Variants in AXDND1 observed in about 807,000 individuals in gnomAD.
AXDND1 encodes axonemal dynein light chain domain-containing protein 1.
In AXDND1, 110 loss-of-function variants were observed where a neutral mutation model predicts 137.5. The ratio of observed to expected loss-of-function variants is 0.80; its 90% CI spans 0.69 to 0.94. The LOEUF (loss-of-function observed/expected upper bound fraction) is 0.94. AXDND1 is among the 40% of genes least tolerant of loss of function. The pLI, the probability that AXDND1 is intolerant of heterozygous loss-of-function variation, is 0.00. For synonymous variants in AXDND1, 414 were observed against 399.7 expected (o/e 1.04, Z -0.43); for missense variants, 1,191 against 1,169.8 (o/e 1.02, Z -0.26).
rs201762163 is a variant in AXDND1, at chr1:179,394,041, C to G, written c.1002C>G (p.Thr334=). The G allele has an allele frequency of 6.1e-5, 97 of 1,593,572 alleles. 1 individual carries two copies. In the South Asian group the frequency reaches 9.9e-4, roughly 16 times the overall value. ...TCAAGCATGTTATTGAAGAACTGAC[C>G]AGGTAAAAACTGTGATTATCTTAAA... ...YNFKHVIEEL[T]RELCLVRAHD... is the part of the protein sequence containing the mutation. The change falls in exon 10 of 26, where the codon ACC becomes ACG. Residue 334 remains threonine (T), a splice_region_variant and synonymous_variant. Coordinates refer to ENST00000367618, the MANE Select transcript of AXDND1 (RefSeq NM_144696.6).
At chr1:179,510,828 AT>A (rs1668971033) in intron 21 of AXDND1, among the ~76,000 whole-genome samples, 1 of 151,946 alleles carries the variant, frequency 6.6e-6, no homozygotes, top group Admixed American at 6.6e-5. Context: ...GATTTCTGAG[AT>A]TTTGGTGCAC....
chr1:179,500,377 G>A (rs963896528), intron 20 of AXDND1, among the ~76,000 whole-genome samples: 7 of 149,990 alleles, frequency 4.7e-5, no homozygotes, highest in Non-Finnish European at 8.9e-5. Context: ...GTGTGTGTGT[G>A]TGTGTATTGC....
chr1:179,450,523 C>A (rs1185998533), intron 16 of AXDND1: 1 of 149,446 alleles, frequency 6.7e-6, no homozygotes, highest in Non-Finnish European at 1.5e-5. Context: ...CTATTGAATT[C>A]TTTTACATGA....
intron 16 of AXDND1, among the ~76,000 whole-genome samples, chr1:179,468,128 C>CT (rs140120532): frequency 0.063 from 9,570 of 152,144 alleles, 359 homozygotes; most frequent in African/African-American, 0.071. Flanking sequence ...GAATTAAGGT[C>CT]TTTTACAGAA....
chr1:179,371,774 G>A (rs925900627), intron 4 of AXDND1, among the ~76,000 whole-genome samples: 7 of 152,178 alleles, frequency 4.6e-5, no homozygotes, highest in Admixed American at 2.6e-4. Flanking sequence ...GACATTGCTG[G>A]CTTTGAAGAA....
At position 179,482,098 on chromosome 1, in the gene AXDND1, AT is replaced by A. The variant is rs57145549; in HGVS notation, c.1998-1004del. Among the ~76,000 whole-genome samples the A allele has an allele frequency of 6.2e-3, 669 of 107,936 alleles. 4 individuals are homozygous for A. The highest frequency in any genetic ancestry group is 0.016 in the African/African-American group (423 of 25,770). 70.8% of individuals were successfully genotyped at this position (107,936 alleles called of 152,430 possible). ...TTGGGACAAGATTAGGAGCTTTTTA[AT>A]TTTTTTTTTTTTTTTTTTTTTTTTT... On this transcript the variant is annotated intron_variant, in intron 17 of 25. Coordinates refer to ENST00000367618, the MANE Select transcript of AXDND1 (RefSeq NM_144696.6).
At chr1:179,387,627 T>C (rs952603287) in intron 9 of AXDND1, among the ~76,000 whole-genome samples, 1 of 152,252 alleles carries the variant, frequency 6.6e-6, no homozygotes, top group Non-Finnish European at 1.5e-5. Context: ...ATTCGTTAGC[T>C]TTGTTTTGGG....
intron 11 of AXDND1, among the ~76,000 whole-genome samples, chr1:179,400,904 C>CAAAA (rs151090012): frequency 3.7e-5 from 2 of 53,678 alleles, no homozygotes; most frequent in African/African-American, 8.1e-5. Context: ...GACTCTGTCT[C>CAAAA]AAAAAAAAAA....
chr1:179,371,683 A>G (rs1287897597), intron 4 of AXDND1, among the ~76,000 whole-genome samples: 4 of 152,142 alleles, frequency 2.6e-5, no homozygotes, highest in Non-Finnish European at 5.9e-5. Flanking sequence ...TGAATCTTTA[A>G]AAGTGGAAAA....
In AXDND1 at chr1:179,525,343, A is replaced by T; in HGVS notation, c.2506A>T (p.Lys836Ter). The T allele has an allele frequency of 6.2e-7, 1 of 1,610,912 alleles. No individual in the cohort carries two copies. The highest frequency in any genetic ancestry group is 1.1e-5 in the South Asian group (1 of 90,690). The change falls in exon 22 of 26, where the codon AAA becomes TAA. Residue 836 changes from lysine to a stop codon, truncating the protein, a stop_gained. Transcript: ENST00000367618. LOFTEE classifies it high-confidence loss of function. Reference protein sequence around the residue: ...IERLLEEEAVKEFIEPEIDES... With the variant: ...IERLLEEEAV Reference sequence around the variant, plus strand: ...TTGGTTCATCTCACAGGAGGCTGTAAAAGAATTCATTGAGCCTGAAATAGA... The same window carrying T: ...TTGGTTCATCTCACAGGAGGCTGTATAAGAATTCATTGAGCCTGAAATAGA...
chr1:179,481,445 C>T (rs1034765901), intron 17 of AXDND1, among the ~76,000 whole-genome samples: 12 of 152,254 alleles, frequency 7.9e-5, no homozygotes, highest in African/African-American at 2.4e-4. Context: ...AGTGAACATA[C>T]GTGTGCATGT....
intron 17 of AXDND1, among the ~76,000 whole-genome samples, chr1:179,477,380 A>G (rs11808267): frequency 0.46 from 69,291 of 151,824 alleles, 16,689 homozygotes; most frequent in East Asian, 0.76. Flanking sequence ...AAGAGTTTCA[A>G]TGGTCTCACA....
intron 8 of AXDND1, among the ~76,000 whole-genome samples, chr1:179,384,412 A>G (rs1347530034): frequency 6.6e-6 from 1 of 152,188 alleles, no homozygotes; most frequent in Non-Finnish European, 1.5e-5. Context: ...TAATGTTGAT[A>G]TGATAGTATT....
chr1:179,484,775 C>A, intron 18 of AXDND1, among the ~76,000 whole-genome samples: 1 of 152,222 alleles, frequency 6.6e-6, no homozygotes, highest in East Asian at 1.9e-4. Context: ...CCCTACCATG[C>A]CAACTGCTGC....
chr1:179,517,207 C>T (rs1281830147), intron 21 of AXDND1, among the ~76,000 whole-genome samples: 1 of 152,130 alleles, frequency 6.6e-6, no homozygotes, highest in African/African-American at 2.4e-5. Flanking sequence ...TCTGCTGAGT[C>T]ATGCAGGTTG....
chr1:179,468,553 G>GA lies in AXDND1; in HGVS notation c.1915dup (p.Ile639AsnfsTer2), dbSNP rs781259567. 3.7e-6 allele frequency: 6 copies of GA among 1,612,588 alleles called. No homozygotes were observed. Among genetic ancestry groups the GA allele is most frequent in the Non-Finnish European group, 5.1e-6 (6 of 1,179,324 alleles). On this transcript the variant is annotated frameshift_variant, in exon 17 of 26. Coordinates refer to ENST00000367618, the MANE Select transcript of AXDND1 (RefSeq NM_144696.6). LOFTEE classifies it high-confidence loss of function. The stretch of plus-strand genomic sequence containing the variant: ...TCTTGAAGAATGGCAGGAAATAGAT[G>GA]AAAAAATTAATGAAATGAAATCACA...
chr1:179,502,478 C>T (rs573752042), intron 20 of AXDND1, among the ~76,000 whole-genome samples: 27 of 148,678 alleles, frequency 1.8e-4, no homozygotes, highest in East Asian at 1.6e-3. Flanking sequence ...GCAGGAGAAT[C>T]GCTTGAACCC....
At chr1:179,405,895 C>T (rs1463996948) in intron 11 of AXDND1, among the ~76,000 whole-genome samples, 1 of 151,456 alleles carries the variant, frequency 6.6e-6, no homozygotes, top group Non-Finnish European at 1.5e-5. Flanking sequence ...TTATTTGTTT[C>T]TTTCTACTAA....
At chr1:179,505,472 G>A (rs1018542976) in intron 20 of AXDND1, among the ~76,000 whole-genome samples, 1 of 151,996 alleles carries the variant, frequency 6.6e-6, no homozygotes, top group African/African-American at 2.4e-5. Flanking sequence ...GGCCAACATG[G>A]TGAAACTGTG....
Sources: allele counts gnomAD v4.1 joint callset (sites outside exome capture counted in the v4.1 genomes callset), GRCh38; gene constraint gnomAD v4.1.1; transcripts MANE v1.5; gene names NCBI Gene and HGNC (gene_info 2026-07-23, HGNC 2026-07-21).